The following BICC1 variants were observed in gnomAD, a reference collection of about 807,000 sequenced individuals.
BICC1 encodes the protein BicC family RNA binding protein 1.
A neutral mutation model predicts 111.0 loss-of-function variants in BICC1; 43 were observed. That is an observed-to-expected ratio of 0.39 (90% CI 0.30 to 0.50). The LOEUF is 0.50. BICC1 is among the 20% of genes least tolerant of loss of function. The pLI, the probability that BICC1 is intolerant of heterozygous loss-of-function variation, is 0.88. For synonymous variants in BICC1, 467 were observed against 434.4 expected, an observed-to-expected ratio of 1.07 and a Z score of -0.93; for missense variants, 1,091 against 1,203.2, an observed-to-expected ratio of 0.91 and a Z score of 1.38.
intron 1 of BICC1, among the ~76,000 whole-genome samples, chr10:58,519,821 C>T (rs190144290): frequency 6.6e-6 from 1 of 152,252 alleles, no homozygotes; most frequent in Admixed American, 6.5e-5. Flanking sequence ...TCTAAAAATT[C>T]TCCATTGTTT....
chr10:58,806,976 A>T, intron 16 of BICC1, 28 bp from the exon 17 acceptor site: 1 of 1,597,046 alleles, frequency 6.3e-7, no homozygotes. Flanking sequence ...TAAACATACC[A>T]AGCATTGGTT....
intron 17 of BICC1, among the ~76,000 whole-genome samples, chr10:58,808,717 A>AATT (rs564240560): frequency 6.9e-6 from 1 of 145,172 alleles, no homozygotes; most frequent in South Asian, 2.2e-4. Context: ...TTTAAAAAAA[A>AATT]TTTTTTTTTT....
intron 2 of BICC1, among the ~76,000 whole-genome samples, chr10:58,695,721 ATAT>A (rs1202877862): frequency 6.6e-6 from 1 of 152,184 alleles, no homozygotes; most frequent in Non-Finnish European, 1.5e-5. Context: ...CATCTGTAAG[ATAT>A]TATCCGGTAA....
chr10:58,573,406 C>A (rs1027549197), intron 1 of BICC1, among the ~76,000 whole-genome samples: 2 of 152,098 alleles, frequency 1.3e-5, no homozygotes, highest in Non-Finnish European at 2.9e-5. Flanking sequence ...CAGTTCTTTG[C>A]GGTTAGATGA....
At chr10:58,606,282 T>C (rs1389421026) in intron 1 of BICC1, among the ~76,000 whole-genome samples, 1 of 152,142 alleles carries the variant, frequency 6.6e-6, no homozygotes, top group African/African-American at 2.4e-5. Flanking sequence ...TACTAATATA[T>C]GGAATCCAAG....
chr10:58,741,364 A>G (rs1841658095), intron 3 of BICC1, among the ~76,000 whole-genome samples: 1 of 152,342 alleles, frequency 6.6e-6, no homozygotes, highest in Admixed American at 6.5e-5. Context: ...GAAAGAAGTT[A>G]GTATTTTGTG....
chr10:58,827,379 C>T (rs1121644), intron 20 of BICC1, among the ~76,000 whole-genome samples: 113,526 of 152,134 alleles, frequency 0.75, 42,498 homozygotes, highest in African/African-American at 0.76. Flanking sequence ...ATGTTGTGCA[C>T]GACTTCACAG....
chr10:58,669,993 T>C (rs1839133515), intron 2 of BICC1, among the ~76,000 whole-genome samples: 1 of 152,182 alleles, frequency 6.6e-6, no homozygotes, highest in African/African-American at 2.4e-5. Context: ...CTGTTTATGT[T>C]ATTGTAAAGT....
intron 3 of BICC1, among the ~76,000 whole-genome samples, chr10:58,769,425 T>TATATATATATATAA (rs1385104345): frequency 1.4e-5 from 2 of 145,034 alleles, no homozygotes; most frequent in East Asian, 2.0e-4. Context: ...TATATATATA[T>TATATATATATATAA]AATCACAGTA....
chr10:58,817,531 A>G (rs1218657169), intron 18 of BICC1, 31 bp from the exon 19 acceptor site: 4 of 1,612,324 alleles, frequency 2.5e-6, no homozygotes, highest in Non-Finnish European at 3.4e-6. Context: ...GGGCATTTAC[A>G]CTTCAAGCCT....
At chr10:58,618,057 G>A (rs959309586) in intron 1 of BICC1, among the ~76,000 whole-genome samples, 10 of 152,350 alleles carry the variant, frequency 6.6e-5, no homozygotes, top group East Asian at 1.9e-4. Flanking sequence ...CTCTGCCTAG[G>A]GGGTGGAATG....
intron 1 of BICC1, among the ~76,000 whole-genome samples, chr10:58,548,012 T>C (rs749700145): frequency 2.6e-5 from 4 of 152,228 alleles, no homozygotes; most frequent in Non-Finnish European, 5.9e-5. Flanking sequence ...GCTTCTAGGC[T>C]CTTTCAGCTG....
chr10:58,808,278 C>T (rs1365567083), intron 17 of BICC1, among the ~76,000 whole-genome samples: 1 of 152,086 alleles, frequency 6.6e-6, no homozygotes, highest in East Asian at 1.9e-4. Flanking sequence ...CTTCTTTCTT[C>T]CATTATAACA....
At chr10:58,568,606 C>T (rs774986230) in intron 1 of BICC1, among the ~76,000 whole-genome samples, 1 of 152,126 alleles carries the variant, frequency 6.6e-6, no homozygotes. Flanking sequence ...GTGCCCAGAA[C>T]GCCCACATCA....
intron 1 of BICC1, among the ~76,000 whole-genome samples, chr10:58,612,963 G>A (rs1419876322): frequency 1.3e-5 from 2 of 152,002 alleles, no homozygotes; most frequent in Non-Finnish European, 2.9e-5. Context: ...TGTAGTTTGG[G>A]GGGATTGTAA....
In BICC1 at chr10:58,829,063, T is replaced by C. The variant is rs1844482774; in HGVS notation, c.*172T>C. The C allele has an allele frequency of 2.9e-6, 2 of 694,568 alleles. No homozygotes were observed. The allele number at this position is 694,568 out of a possible 1,614,324, so 43.0% of individuals were successfully genotyped here. ...AAAAGGAAGAAGAGAGAGAAGATGT[T>C]CTTATGATGTCATACAGAACACCAA... On this transcript the variant is annotated 3_prime_UTR_variant, in exon 21 of 21. Coordinates refer to ENST00000373886, the MANE Select transcript of BICC1 (RefSeq NM_001080512.3).
intron 3 of BICC1, among the ~76,000 whole-genome samples, chr10:58,735,922 T>C (rs1252662152): frequency 6.6e-6 from 1 of 152,172 alleles, no homozygotes; most frequent in Non-Finnish European, 1.5e-5. Context: ...CACTTCAGTG[T>C]TCCCATCTCA....
chr10:58,748,855 T>C (rs1841908801), intron 3 of BICC1, among the ~76,000 whole-genome samples: 3 of 152,138 alleles, frequency 2.0e-5, no homozygotes, highest in Admixed American at 2.0e-4. Flanking sequence ...GCTGCTGCTG[T>C]TTTGGGAACC....
intron 2 of BICC1, among the ~76,000 whole-genome samples, chr10:58,699,410 T>G (rs1840162487): frequency 6.6e-6 from 1 of 152,232 alleles, no homozygotes; most frequent in African/African-American, 2.4e-5. Flanking sequence ...CTCTGGCATA[T>G]TATTTTCTGT....
Sources: gnomAD v4.1 joint callset for allele counts (sites outside exome capture counted in the v4.1 genomes callset) on GRCh38, gnomAD v4.1.1 for gene constraint, MANE v1.5 for transcripts, NCBI Gene and HGNC (gene_info 2026-07-23, HGNC 2026-07-21) for gene names.